TAPT1: variants seen among roughly 807,000 people sequenced by gnomAD.
TAPT1 encodes transmembrane anterior posterior transformation protein 1 homolog.
A neutral mutation model predicts 65.6 loss-of-function variants in TAPT1; 28 were observed. That is an observed-to-expected ratio of 0.43 (90% CI 0.32 to 0.59). The LOEUF (loss-of-function observed/expected upper bound fraction) is 0.59, where lower values mean the gene tolerates loss of function less well. TAPT1 is among the 20% of genes least tolerant of loss of function. The pLI is 0.09. For missense variants in TAPT1, 563 were observed against 679.9 expected, an observed-to-expected ratio of 0.83 and a Z score of 1.91; for synonymous variants, 278 against 245.2, an observed-to-expected ratio of 1.13 and a Z score of -1.25.
intron 12 of TAPT1, among the ~76,000 whole-genome samples, chr4:16,168,935 C>A (rs1399635558): frequency 6.6e-6 from 1 of 152,062 alleles, no homozygotes; most frequent in African/African-American, 2.4e-5. Context: ...AGAGGAGAAA[C>A]CGGGTGTGGT....
At position 16,163,002 on chromosome 4, in the gene TAPT1, A is replaced by C; in HGVS notation, c.*306T>G. The C allele has an allele frequency of 2.0e-6, 1 of 494,798 alleles. No individual in the cohort carries two copies. Among genetic ancestry groups the C allele is most frequent in the Non-Finnish European group, 4.0e-6 (1 of 252,660 alleles). 30.7% of individuals were successfully genotyped at this position (494,798 alleles called of 1,614,324 possible). ...AACATTCTGGAAGCCCAGACTGACAAAGCAAAACAGATTTTGATGTTGCCT... is the reference window on the plus strand; with the variant it reads ...AACATTCTGGAAGCCCAGACTGACACAGCAAAACAGATTTTGATGTTGCCT... On this transcript the variant is annotated 3_prime_UTR_variant, in exon 14 of 14. Transcript: ENST00000405303.
In TAPT1 at chr4:16,163,515, C is replaced by T. The variant is rs368111048; in HGVS notation, c.1497G>A (p.Leu499=). 1.9e-6 allele frequency: 3 copies of T among 1,613,622 alleles called. No individual in the cohort carries two copies. Among genetic ancestry groups the T allele is most frequent in the Non-Finnish European group, 2.5e-6 (3 of 1,179,708 alleles). The part of the protein sequence containing the change: ...PSQGLSTEEN[L]SASITKQPIH... ...TAGGTTGTTTGGTGATGGAGGCAGACAGGTTTTCTTCTGTGGAAAGGCCTG... is the reference window on the plus strand; with the variant it reads ...TAGGTTGTTTGGTGATGGAGGCAGATAGGTTTTCTTCTGTGGAAAGGCCTG... Residue 499 remains leucine (L), a synonymous_variant, in exon 14 of 14, where the codon CTG becomes CTA. Coordinates refer to ENST00000405303, the MANE Select transcript of TAPT1 (RefSeq NM_153365.3).
intron 11 of TAPT1, among the ~76,000 whole-genome samples, chr4:16,171,028 A>T (rs903808738): frequency 6.6e-6 from 1 of 152,178 alleles, no homozygotes; most frequent in African/African-American, 2.4e-5. Flanking sequence ...TAGGTCATGA[A>T]TGTCACACTT....
intron 3 of TAPT1, among the ~76,000 whole-genome samples, chr4:16,198,313 T>G (rs1033548239): frequency 2.6e-5 from 4 of 152,204 alleles, no homozygotes; most frequent in African/African-American, 9.7e-5. Flanking sequence ...GTACAAGATG[T>G]AAATCTGCAA....
chr4:16,224,087 T>TA (rs1381554680), intron 1 of TAPT1, among the ~76,000 whole-genome samples: 1 of 152,028 alleles, frequency 6.6e-6, no homozygotes, highest in Non-Finnish European at 1.5e-5. Context: ...CACAAGAATA[T>TA]AAAAAAATCA....
Position 16,163,913 on chromosome 4 carries a change from C to T in TAPT1, c.1475-376G>A, listed in dbSNP as rs149487237. On this transcript the variant is annotated intron_variant, in intron 13 of 13. Transcript: ENST00000405303. ...CAATACAGAACATCAGGGAGTGGGCCAAGAAGACTTTACTACATTCCACCT... is the reference window on the plus strand; with the variant it reads ...CAATACAGAACATCAGGGAGTGGGCTAAGAAGACTTTACTACATTCCACCT... Among the ~76,000 whole-genome samples the T allele has an allele frequency of 2.1e-3, 315 of 152,268 alleles. 2 individuals are homozygous for T. Among genetic ancestry groups the T allele is most frequent in the African/African-American group, 7.2e-3 (299 of 41,560 alleles).
chr4:16,196,617 T>C (rs1749719191), intron 3 of TAPT1: 1 of 1,105,542 alleles, frequency 9.0e-7, no homozygotes, highest in African/African-American at 1.6e-5. Context: ...TGAATGTCAA[T>C]TTGGCCAAGA....
At chr4:16,205,600 T>C (rs576944642) in intron 2 of TAPT1, among the ~76,000 whole-genome samples, 3 of 151,920 alleles carry the variant, frequency 2.0e-5, no homozygotes, top group Non-Finnish European at 4.4e-5. Context: ...GCGTGTGTAT[T>C]TGGGGGCAGG....
chr4:16,196,755 A>G (rs10939652), intron 3 of TAPT1: 513,674 of 1,189,986 alleles, frequency 0.43, 114,448 homozygotes, highest in African/African-American at 0.67. Flanking sequence ...AAGAGAGAAG[A>G]TTGTAATGTT....
chr4:16,182,651 C>A (rs1405915355), intron 7 of TAPT1, among the ~76,000 whole-genome samples: 1 of 152,212 alleles, frequency 6.6e-6, no homozygotes, highest in African/African-American at 2.4e-5. Context: ...AACCTAACTC[C>A]TGAAGGACCT....
At chr4:16,227,086 A>G (rs1751631781), upstream of TAPT1, 2 of 454,690 alleles carry the variant, frequency 4.4e-6, no homozygotes, top group Admixed American at 4.7e-5. Context: ...CTGCATATTT[A>G]TGCTTGCCTG....
chr4:16,165,808 G>T (rs1747570683), intron 13 of TAPT1, among the ~76,000 whole-genome samples: 1 of 152,072 alleles, frequency 6.6e-6, no homozygotes, highest in Non-Finnish European at 1.5e-5. Context: ...ACCTGGCCAG[G>T]TCTCCCTGCT....
At position 16,174,733 on chromosome 4, in the gene TAPT1, AAAAC is replaced by A; in HGVS notation, c.1108-8_1108-5del. ...TGGCTCTATATTCACTGTAGACCTAAAAACAAACAAGAATGAAATATCAAGTAAT... is the reference window on the plus strand; with the variant it reads ...TGGCTCTATATTCACTGTAGACCTAAAAACAAGAATGAAATATCAAGTAAT... On this transcript the variant is annotated splice_region_variant and splice_polypyrimidine_tract_variant and intron_variant, in intron 9 of 13. Transcript: ENST00000405303. The A allele has an allele frequency of 6.4e-7, 1 of 1,560,442 alleles. No individual in the cohort carries two copies. The highest frequency in any genetic ancestry group is 8.7e-7 in the Non-Finnish European group (1 of 1,153,174).
intron 3 of TAPT1, among the ~76,000 whole-genome samples, chr4:16,201,798 C>T (rs1010992338): frequency 6.6e-6 from 1 of 152,122 alleles, no homozygotes; most frequent in Non-Finnish European, 1.5e-5. Context: ...GTAAAAGATG[C>T]TGAGCTCTCA....
intron 1 of TAPT1, among the ~76,000 whole-genome samples, chr4:16,222,812 G>T (rs1751328829): frequency 6.6e-6 from 1 of 150,660 alleles, no homozygotes; most frequent in South Asian, 2.1e-4. Flanking sequence ...AGGCAAAAGA[G>T]ATGGATAATA....
intron 1 of TAPT1, among the ~76,000 whole-genome samples, chr4:16,223,932 A>G (rs1375235846): frequency 6.6e-6 from 1 of 152,160 alleles, no homozygotes; most frequent in Non-Finnish European, 1.5e-5. Flanking sequence ...CCTTGTGAGA[A>G]ATGATAAAGG....
chr4:16,179,742 T>C lies in TAPT1; in HGVS notation c.917-85A>G, dbSNP rs978434209. 3.8e-5 allele frequency: 24 copies of C among 633,266 alleles called. No individual in the cohort carries two copies. In the Admixed American group the frequency reaches 8.9e-4, roughly 23 times the overall value. The allele number at this position is 633,266 out of a possible 1,614,324, so 39.2% of individuals were successfully genotyped here. On this transcript the variant is annotated intron_variant, in intron 7 of 13. Transcript: ENST00000405303. ...ATATATAATTATTTTAGCCAGAACA[T>C]GATGAAATTATTAGACGATGTATAA...
intron 9 of TAPT1, 67 bp downstream of exon 9, chr4:16,176,052 T>C: frequency 2.6e-6 from 2 of 764,118 alleles, no homozygotes; most frequent in South Asian, 4.1e-5. Flanking sequence ...CCTATTATTC[T>C]ACAACTTTTA....
intron 12 of TAPT1, among the ~76,000 whole-genome samples, chr4:16,167,611 C>G (rs1747726207): frequency 6.6e-6 from 1 of 152,078 alleles, no homozygotes; most frequent in African/African-American, 2.4e-5. Flanking sequence ...TGTGTGGAGT[C>G]CTGAGTCCAC....
Sources: gnomAD v4.1 joint callset for allele counts (sites outside exome capture counted in the v4.1 genomes callset) on GRCh38, gnomAD v4.1.1 for gene constraint, MANE v1.5 for transcripts, NCBI Gene and HGNC (gene_info 2026-07-23, HGNC 2026-07-21) for gene names.